The following EP400 variants were observed in gnomAD, a reference collection of about 807,000 sequenced individuals.
EP400 encodes E1A-binding protein p400.
A neutral mutation model predicts 354.1 loss-of-function variants in EP400; 105 were observed. That is an observed-to-expected ratio of 0.30 (90% CI 0.25 to 0.35). EP400 has a LOEUF of 0.35. EP400 is among the 10% of genes least tolerant of loss of function. The probability of loss-of-function intolerance (pLI) is 1.00; values close to 1 mark genes in which losing one functional copy is unlikely to be tolerated. For synonymous variants in EP400, 1,646 were observed against 1,716.9 expected, an observed-to-expected ratio of 0.96 and a Z score of 1.02; for missense variants, 3,280 against 4,121.0, an observed-to-expected ratio of 0.80 and a Z score of 5.59.
At chr12:132,011,760 T>G in intron 16 of EP400, 126 bp downstream of exon 16, 2 of 1,194,180 alleles carry the variant, frequency 1.7e-6, no homozygotes, top group Non-Finnish European at 2.3e-6. Context: ...ATTCATGAGT[T>G]AACAGACCTT....
intron 29 of EP400, among the ~76,000 whole-genome samples, chr12:132,030,827 G>A (rs1894465064): frequency 6.6e-6 from 1 of 152,188 alleles, no homozygotes; most frequent in South Asian, 2.1e-4. Flanking sequence ...CCCGTGCCCT[G>A]GCAGCTTCAT....
chr12:132,016,631 C>T (rs1893943989), intron 19 of EP400, among the ~76,000 whole-genome samples: 1 of 152,196 alleles, frequency 6.6e-6, no homozygotes, highest in South Asian at 2.1e-4. Context: ...CTTGGCCTCC[C>T]AAAGTGCTGG....
rs145508334 is a variant in EP400 at position 132,064,718 on chromosome 12, C to T, written c.8385C>T (p.Pro2795=). 2.1e-4 allele frequency: 331 copies of T among 1,613,552 alleles called. 1 individual carries two copies. In the Admixed American group the frequency reaches 4.1e-3, roughly 20 times the overall value. Residue 2795 remains proline (P), a synonymous_variant, in exon 48 of 53, where the codon CCC becomes CCT. Transcript: ENST00000389561. ...QKQKLQMPPQ[P]PPPQAQSAPP... ...AGAAACTGCAGATGCCCCCGCAGCC[C>T]CCACCGCCACAGGCCCAGTCTGCGC...
chr12:132,062,728 CGT>C (rs1895747277), intron 47 of EP400, 27 bp downstream of exon 47: 1 of 1,609,336 alleles, frequency 6.2e-7, no homozygotes, highest in African/African-American at 1.3e-5. Context: ...GGACCATGAA[CGT>C]GTGCGTCTTG....
intron 5 of EP400, among the ~76,000 whole-genome samples, chr12:131,985,135 C>G (rs551504443): frequency 6.6e-6 from 1 of 152,266 alleles, no homozygotes; most frequent in East Asian, 1.9e-4. Flanking sequence ...GGATTACAGG[C>G]GTGAGCCGCC....
At chr12:132,024,026 T>C (rs767072576) in intron 24 of EP400, 85 bp downstream of exon 24, 91 of 1,357,070 alleles carry the variant, frequency 6.7e-5, no homozygotes, top group Non-Finnish European at 7.3e-5. Flanking sequence ...GCCTGCCTTG[T>C]GCATTTAAGT....
chr12:131,978,335 C>T lies in EP400; in HGVS notation c.1336-1359C>T, dbSNP rs533120407. On this transcript the variant is annotated intron_variant, in intron 2 of 52. Coordinates refer to ENST00000389561, the MANE Select transcript of EP400 (RefSeq NM_015409.5). Reference sequence around the variant, plus strand: ...CTTGGTGAAACCTTCAGTGCCATGTCATTAGCATAGTACTGTAGTTTCACC... The same window carrying T: ...CTTGGTGAAACCTTCAGTGCCATGTTATTAGCATAGTACTGTAGTTTCACC... 6.6e-5 allele frequency among the ~76,000 whole-genome samples: 10 copies of T among 152,290 alleles called. No individual in the cohort carries two copies. The South Asian group carries it at 2.1e-3, about 32-fold the overall frequency.
chr12:132,003,085 C>T (rs758931335), intron 12 of EP400, among the ~76,000 whole-genome samples: 17 of 151,668 alleles, frequency 1.1e-4, no homozygotes, highest in Non-Finnish European at 2.5e-4. Context: ...GTGGCTCACA[C>T]CTGTAATCCT....
intron 45 of EP400, among the ~76,000 whole-genome samples, chr12:132,061,686 A>G (rs1895699261): frequency 3.3e-5 from 5 of 152,222 alleles, no homozygotes; most frequent in Admixed American, 3.3e-4. Context: ...CCCCACGCAC[A>G]TGGTGAGACA....
chr12:132,075,846 T>C lies in EP400; in HGVS notation c.9022-670T>C, dbSNP rs1345731674. The C allele has an allele frequency of 6.5e-6, 1 of 153,660 alleles. No individual in the cohort carries two copies. Among genetic ancestry groups the C allele is most frequent in the East Asian group, 1.9e-4 (1 of 5,240 alleles). 9.5% of individuals were successfully genotyped at this position (153,660 alleles called of 1,614,324 possible). ...CCTTGAAATCAGGGCCCCCAGCAGC[T>C]GCCCACGCTGGAGCCTCTCTTGTGT... is the stretch of plus-strand genomic sequence containing the variant. On this transcript the variant is annotated intron_variant, in intron 51 of 52. Transcript: ENST00000389561. This position sits in a 1 kb window ranked among gnomAD's most constrained non-coding sequence, Gnocchi z 4.5.
chr12:131,989,430 G>A (rs771701633), intron 7 of EP400, among the ~76,000 whole-genome samples: 3 of 152,210 alleles, frequency 2.0e-5, no homozygotes, highest in Non-Finnish European at 2.9e-5. Context: ...ACGGGCGTGG[G>A]GGTGACAGCC....
chr12:132,061,311 G>A (rs1438041003), intron 45 of EP400, among the ~76,000 whole-genome samples: 1 of 150,804 alleles, frequency 6.6e-6, no homozygotes. Flanking sequence ...CATCTGAGAG[G>A]AGGCAAGGAA....
chr12:132,006,622 T>G, intron 14 of EP400, 78 bp from the exon 15 acceptor site: 1 of 1,390,480 alleles, frequency 7.2e-7, no homozygotes, highest in South Asian at 1.4e-5. Context: ...ATCATGTGAC[T>G]GTTGATTTCA....
In EP400 at chr12:132,027,142, T is replaced by A. The variant is rs1204201231; in HGVS notation, c.5015-295T>A. 6.6e-6 allele frequency among the ~76,000 whole-genome samples: 1 copy of A among 152,204 alleles called. No individual in the cohort carries two copies. Among genetic ancestry groups the A allele is most frequent in the African/African-American group, 2.4e-5 (1 of 41,454 alleles). ...CCTCGGAGGTGTGCTGGGATGCTTC[T>A]GGGTGGCTCTGGAGTGCCTCCCAAA... On this transcript the variant is annotated intron_variant, in intron 25 of 52. Coordinates refer to ENST00000389561, the MANE Select transcript of EP400 (RefSeq NM_015409.5). This position sits in a 1 kb window ranked among gnomAD's most constrained non-coding sequence, Gnocchi z 4.9.
rs75778935 is a variant in EP400, at chr12:132,032,011, A to C, written c.5813A>C (p.His1938Pro). Reference protein sequence around the residue: ...RRIFCAILSTHSRTTGINLVE... With the variant: ...RRIFCAILSTPSRTTGINLVE... ...ATTTTTTGTGCCATTCTCTCCACTC[A>C]CAGCCGTACCACAGGTATAAACCTT... is the stretch of plus-strand genomic sequence containing the variant. The change falls in exon 30 of 53, where the codon CAC becomes CCC. Residue 1938 changes from histidine (H) to proline (P), a missense_variant. His to Pro is a moderately conservative substitution (Grantham distance 77). Around this residue, in one of 20 missense-constraint regions of EP400, gnomAD observed 459 missense variants for 496.9 expected, o/e 0.92. Transcript: ENST00000389561. 1 of 1,614,100 alleles carries C rather than the reference A, an allele frequency of 6.2e-7. No homozygotes were observed.
At chr12:131,995,644 G>A (rs113560231) in intron 12 of EP400, among the ~76,000 whole-genome samples, 11 of 126,444 alleles carry the variant, frequency 8.7e-5, no homozygotes, top group East Asian at 2.5e-4. Flanking sequence ...GACTGAATGT[G>A]CCGTTCATCC....
chr12:131,982,022 TC>T (rs1247346713), intron 4 of EP400, 70 bp from the exon 5 acceptor site: 1 of 1,487,768 alleles, frequency 6.7e-7, no homozygotes, highest in Non-Finnish European at 8.9e-7. Context: ...TAGACGTGTC[TC>T]CTTGTGACTC....
At chr12:132,007,957 T>C (rs969927216) in intron 15 of EP400, among the ~76,000 whole-genome samples, 2 of 151,908 alleles carry the variant, frequency 1.3e-5, no homozygotes, top group Non-Finnish European at 2.9e-5. Flanking sequence ...AGGGTTCTTT[T>C]TTTTTTTGAG....
intron 32 of EP400, among the ~76,000 whole-genome samples, chr12:132,042,032 A>G (rs1260291924): frequency 2.7e-5 from 4 of 149,730 alleles, no homozygotes; most frequent in Admixed American, 1.3e-4. Flanking sequence ...GCTCACTGCA[A>G]CCTCCACCTC....
Sources: gnomAD v4.1 joint callset for allele counts (sites outside exome capture counted in the v4.1 genomes callset) on GRCh38, gnomAD v4.1.1 for gene constraint, gnomAD v4.1.1 regional missense constraint, Gnocchi (gnomAD v3.1) non-coding constraint, MANE v1.5 for transcripts, NCBI Gene and HGNC (gene_info 2026-07-23, HGNC 2026-07-21) for gene names.